Variants in FILIP1L observed in about 807,000 individuals in gnomAD.
FILIP1L encodes filamin A interacting protein 1 like, also known as filamin A-interacting protein 1-like.
A neutral mutation model predicts 96.6 loss-of-function variants in FILIP1L; 55 were observed. The ratio of observed to expected loss-of-function variants is 0.57; its 90% CI spans 0.46 to 0.71. The LOEUF is 0.71. FILIP1L is among the 30% of genes least tolerant of loss of function. The pLI, the probability that FILIP1L is intolerant of heterozygous loss-of-function variation, is 0.00. For synonymous variants in FILIP1L, 467 were observed against 473.9 expected (o/e 0.99, Z 0.19); for missense variants, 1,304 against 1,321.2 (o/e 0.99, Z 0.20).
In FILIP1L at chr3:99,850,788, T is replaced by G; in HGVS notation, c.888A>C (p.Gln296His). ...QKATRLEKEL[Q>H]TQTTKFHQDQ... ...CTTGGTGAAACTTTGTGGTCTGCGT[T>G]TGCAGTTCCTTCTCTAGTCTGGTTG... The change falls in exon 5 of 6, where the codon CAA becomes CAC. Residue 296 changes from glutamine to histidine, a missense_variant. Gln to His is a conservative substitution (Grantham distance 24). Transcript: ENST00000477258. The G allele has an allele frequency of 6.2e-7, 1 of 1,614,222 alleles. No homozygotes were observed. The highest frequency in any genetic ancestry group is 8.5e-7 in the Non-Finnish European group (1 of 1,180,034).
At position 99,848,986 on chromosome 3, in the gene FILIP1L, G is replaced by T. The variant is rs377403924; in HGVS notation, c.2690C>A (p.Thr897Lys). ...CTTTATATGAAGTGGCTGCCCAGGT[G>T]TGTGGCTTAGGACTAGATCTCCAGG... ...VQPGDLVLSH[T>K]PGQPLHIKVT... The change falls in exon 5 of 6, where the codon ACA (threonine) becomes AAA (lysine). Residue 897 changes from threonine to lysine, a missense_variant. By Grantham distance (78) the Thr-to-Lys change is moderately conservative (BLOSUM62 -1). Transcript: ENST00000477258. 6.2e-7 allele frequency: 1 copy of T among 1,614,114 alleles called. No homozygotes were observed. The highest frequency in any genetic ancestry group is 8.5e-7 in the Non-Finnish European group (1 of 1,179,992).
intron 1 of FILIP1L, among the ~76,000 whole-genome samples, chr3:99,945,873 A>T (rs1707992883): frequency 1.3e-5 from 2 of 152,186 alleles, no homozygotes; most frequent in South Asian, 2.1e-4. Context: ...ACCTCTTGTC[A>T]CAGAGCCAGT....
intron 4 of FILIP1L, among the ~76,000 whole-genome samples, chr3:99,869,611 C>T (rs1262737551): frequency 6.6e-6 from 1 of 152,070 alleles, no homozygotes; most frequent in Non-Finnish European, 1.5e-5. Flanking sequence ...AGCAAGAAAC[C>T]AGCAACTTTC....
intron 1 of FILIP1L, among the ~76,000 whole-genome samples, chr3:99,963,527 T>C (rs1708554881): frequency 6.6e-6 from 1 of 152,148 alleles, no homozygotes; most frequent in Admixed American, 6.5e-5. Context: ...AGAATGTTGA[T>C]TGAGCGGGAT....
intron 3 of FILIP1L, among the ~76,000 whole-genome samples, 178 bp downstream of exon 3, chr3:99,929,678 T>C (rs1050632178): frequency 1.3e-5 from 2 of 152,242 alleles, no homozygotes; most frequent in Non-Finnish European, 2.9e-5. Flanking sequence ...GCATCCTGTC[T>C]ATGGTTCATT....
intron 4 of FILIP1L, among the ~76,000 whole-genome samples, chr3:99,861,004 A>G (rs1944223084): frequency 6.6e-6 from 1 of 152,122 alleles, no homozygotes; most frequent in African/African-American, 2.4e-5. Context: ...TAAAAAGTTA[A>G]TTACTGTGAA....
At chr3:99,975,870 C>A (rs1708954535) in intron 1 of FILIP1L, among the ~76,000 whole-genome samples, 1 of 152,140 alleles carries the variant, frequency 6.6e-6, no homozygotes. Flanking sequence ...GGCTAGCAAG[C>A]AAACAGTAAT....
At chr3:100,093,043 G>T (rs916521201) in intron 1 of FILIP1L, among the ~76,000 whole-genome samples, 1 of 151,948 alleles carries the variant, frequency 6.6e-6, no homozygotes, top group Non-Finnish European at 1.5e-5. Flanking sequence ...AAGGAGTAGA[G>T]GTTACTAGAT....
At chr3:99,931,900 A>G (rs1254060150) in intron 1 of FILIP1L, among the ~76,000 whole-genome samples, 1 of 152,186 alleles carries the variant, frequency 6.6e-6, no homozygotes, top group Admixed American at 6.5e-5. Context: ...TGAACTTATA[A>G]TTGACTCTAT....
At chr3:99,924,972 C>T (rs115414475) in intron 3 of FILIP1L, among the ~76,000 whole-genome samples, 533 of 152,266 alleles carry the variant, frequency 3.5e-3, no homozygotes, top group African/African-American at 0.011. Flanking sequence ...ACTGTTTCCA[C>T]ATAACCTCTT....
chr3:99,925,594 A>G (rs1234802310), intron 3 of FILIP1L, among the ~76,000 whole-genome samples: 1 of 152,104 alleles, frequency 6.6e-6, no homozygotes, highest in Non-Finnish European at 1.5e-5. Flanking sequence ...AAAATTTTTG[A>G]TTAACAAAAG....
intron 5 of FILIP1L, among the ~76,000 whole-genome samples, chr3:99,831,228 A>G (rs1051618187): frequency 6.6e-5 from 10 of 152,220 alleles, no homozygotes; most frequent in Non-Finnish European, 1.3e-4. Context: ...TGCTTTGTTA[A>G]TGAGGCCAAA....
intron 4 of FILIP1L, among the ~76,000 whole-genome samples, chr3:99,900,908 G>A (rs1327144272): frequency 6.6e-6 from 1 of 152,202 alleles, no homozygotes; most frequent in Admixed American, 6.5e-5. Context: ...AATTGGCCTA[G>A]GCCCTAGAGT....
intron 4 of FILIP1L, among the ~76,000 whole-genome samples, chr3:99,918,555 G>T (rs986088825): frequency 6.6e-6 from 1 of 152,200 alleles, no homozygotes; most frequent in Non-Finnish European, 1.5e-5. Flanking sequence ...AGGTAGCATT[G>T]TCACTCTATC....
chr3:99,925,475 C>G (rs1054829670), intron 3 of FILIP1L, among the ~76,000 whole-genome samples: 3 of 152,078 alleles, frequency 2.0e-5, no homozygotes, highest in Non-Finnish European at 4.4e-5. Flanking sequence ...AGACTGGAAA[C>G]AAAACAAGCA....
At chr3:99,933,628 A>G (rs1707562536) in intron 1 of FILIP1L, among the ~76,000 whole-genome samples, 1 of 152,226 alleles carries the variant, frequency 6.6e-6, no homozygotes, top group African/African-American at 2.4e-5. Context: ...TCTGGGCTAT[A>G]GAAATAATGG....
At chr3:99,973,508 G>A (rs1363524219) in intron 1 of FILIP1L, among the ~76,000 whole-genome samples, 1 of 151,490 alleles carries the variant, frequency 6.6e-6, no homozygotes, top group Non-Finnish European at 1.5e-5. Flanking sequence ...TCCTTATTTT[G>A]AAAGTTTAAG....
intron 1 of FILIP1L, among the ~76,000 whole-genome samples, chr3:99,984,050 GTATGTGTGTT>G (rs200288556): frequency 6.6e-6 from 1 of 151,042 alleles, no homozygotes; most frequent in Admixed American, 6.6e-5. Flanking sequence ...GGATGTATAT[GTATGTGTGTT>G]TGTGTGTGTG....
chr3:100,013,204 G>A (rs1262336498), intron 1 of FILIP1L, among the ~76,000 whole-genome samples: 4 of 146,972 alleles, frequency 2.7e-5, no homozygotes, highest in African/African-American at 1.0e-4. Flanking sequence ...CCCATTTCAA[G>A]GCCAGTGAGG....
Sources: allele counts gnomAD v4.1 joint callset (sites outside exome capture counted in the v4.1 genomes callset), GRCh38; gene constraint gnomAD v4.1.1; transcripts MANE v1.5; gene names NCBI Gene and HGNC (gene_info 2026-07-23, HGNC 2026-07-21).